Variants in ENTHD1 observed in about 807,000 individuals in gnomAD.
ENTHD1 encodes ENTH domain-containing protein 1.
A neutral mutation model predicts 39.1 loss-of-function variants in ENTHD1; 23 were observed. The ratio of observed to expected loss-of-function variants is 0.59; its 90% CI spans 0.42 to 0.83. ENTHD1 has a LOEUF of 0.83. ENTHD1 is among the 40% of genes least tolerant of loss of function. The pLI is 0.00. For synonymous variants in ENTHD1, 230 were observed against 258.2 expected (o/e 0.89, Z 1.05); for missense variants, 624 against 705.4 (o/e 0.88, Z 1.31).
intron 6 of ENTHD1, among the ~76,000 whole-genome samples, chr22:39,760,804 T>C (rs2065227242): frequency 6.6e-6 from 1 of 152,094 alleles, no homozygotes; most frequent in Non-Finnish European, 1.5e-5. Context: ...ATATGCATGC[T>C]TAACTTATCG....
At chr22:39,805,889 T>A (rs2065636677) in intron 5 of ENTHD1, among the ~76,000 whole-genome samples, 1 of 152,172 alleles carries the variant, frequency 6.6e-6, no homozygotes, top group African/African-American at 2.4e-5. Context: ...TGTCCACAAC[T>A]AAGCATGAAT....
intron 2 of ENTHD1, among the ~76,000 whole-genome samples, chr22:39,871,413 T>A (rs1440463351): frequency 6.6e-6 from 1 of 152,106 alleles, no homozygotes; most frequent in African/African-American, 2.4e-5. Context: ...TTAAGTCCAT[T>A]TTACCAAAGA....
chr22:39,868,549 C>G (rs535389456), intron 2 of ENTHD1, among the ~76,000 whole-genome samples: 2 of 152,112 alleles, frequency 1.3e-5, no homozygotes, highest in African/African-American at 4.8e-5. Flanking sequence ...AAACACCACG[C>G]TGGACATTGA....
chr22:39,888,521 G>A (rs997961589), intron 1 of ENTHD1, among the ~76,000 whole-genome samples: 8 of 151,894 alleles, frequency 5.3e-5, no homozygotes, highest in East Asian at 1.9e-4. Context: ...TCTGCCACCC[G>A]GGTTCAAGCG....
At chr22:39,807,233 G>A (rs530717737) in intron 5 of ENTHD1, among the ~76,000 whole-genome samples, 4 of 152,196 alleles carry the variant, frequency 2.6e-5, no homozygotes, top group South Asian at 2.1e-4. Context: ...GCAAGGATCT[G>A]GCTGTATCAT....
intron 3 of ENTHD1, among the ~76,000 whole-genome samples, chr22:39,838,168 G>A (rs765216793): frequency 4.0e-5 from 6 of 151,802 alleles, no homozygotes; most frequent in African/African-American, 7.3e-5. Context: ...GAGTATATTC[G>A]GTTAAATTAA....
chr22:39,865,543 C>G (rs1329655302), intron 2 of ENTHD1, among the ~76,000 whole-genome samples: 1 of 152,132 alleles, frequency 6.6e-6, no homozygotes, highest in Non-Finnish European at 1.5e-5. Flanking sequence ...AAAGGGAGGA[C>G]AGCATACCAA....
chr22:39,888,777 C>T (rs1411974523), intron 1 of ENTHD1, among the ~76,000 whole-genome samples: 1 of 150,942 alleles, frequency 6.6e-6, no homozygotes, highest in Admixed American at 6.6e-5. Flanking sequence ...CAATATGTTG[C>T]ACAGGCTGTT....
intron 6 of ENTHD1, among the ~76,000 whole-genome samples, chr22:39,749,254 C>G (rs2146531835): frequency 6.6e-6 from 1 of 152,334 alleles, no homozygotes; most frequent in East Asian, 1.9e-4. Context: ...ATTTGGGTCT[C>G]TTGTTAACAT....
chr22:39,831,575 A>C (rs945854015), intron 4 of ENTHD1, among the ~76,000 whole-genome samples: 3 of 152,222 alleles, frequency 2.0e-5, no homozygotes, highest in Non-Finnish European at 4.4e-5. Flanking sequence ...CTGTAATCCC[A>C]ACACTTTGGG....
chr22:39,767,451 C>T (rs2065285639), intron 5 of ENTHD1, among the ~76,000 whole-genome samples: 1 of 151,950 alleles, frequency 6.6e-6, no homozygotes, highest in Non-Finnish European at 1.5e-5. Context: ...TTGTGAGACC[C>T]CATTTCTATG....
At chr22:39,888,491 G>T (rs1432261050) in intron 1 of ENTHD1, among the ~76,000 whole-genome samples, 1 of 151,356 alleles carries the variant, frequency 6.6e-6, no homozygotes, top group East Asian at 1.9e-4. Flanking sequence ...GCAGTGGTGC[G>T]ATCTTGGCTC....
intron 5 of ENTHD1, among the ~76,000 whole-genome samples, chr22:39,804,536 C>A (rs1339748501): frequency 6.6e-6 from 1 of 152,026 alleles, no homozygotes; most frequent in East Asian, 1.9e-4. Flanking sequence ...ACATCCCCAA[C>A]CTTTTGCTCT....
chr22:39,826,919 C>G (rs2065830912), intron 4 of ENTHD1, among the ~76,000 whole-genome samples: 2 of 151,466 alleles, frequency 1.3e-5, no homozygotes. Context: ...GTTGCCCAGA[C>G]TGGAATGCAG....
intron 5 of ENTHD1, among the ~76,000 whole-genome samples, chr22:39,781,978 A>C (rs1225494466): frequency 6.6e-6 from 1 of 152,164 alleles, no homozygotes; most frequent in Non-Finnish European, 1.5e-5. Flanking sequence ...AGAAAATCTC[A>C]ATAAGCCAAT....
At chr22:39,764,202 A>T (rs571828916) in intron 6 of ENTHD1, among the ~76,000 whole-genome samples, 28 of 152,332 alleles carry the variant, frequency 1.8e-4, no homozygotes, top group East Asian at 1.3e-3. Context: ...GGCCAGACAC[A>T]GTGGATCATG....
At chr22:39,763,871 C>T (rs549856491) in intron 6 of ENTHD1, among the ~76,000 whole-genome samples, 99 of 152,204 alleles carry the variant, frequency 6.5e-4, no homozygotes, top group Non-Finnish European at 1.2e-3. Flanking sequence ...AAAAACCAAA[C>T]GTATCAACTT....
chr22:39,806,613 T>C (rs1416718014), intron 5 of ENTHD1, among the ~76,000 whole-genome samples: 1 of 152,144 alleles, frequency 6.6e-6, no homozygotes, highest in Non-Finnish European at 1.5e-5. Flanking sequence ...AGGCAGAAAC[T>C]AGAATGATGA....
At chr22:39,871,172 AAAATAAAT>A (rs58727605) in intron 2 of ENTHD1, among the ~76,000 whole-genome samples, 2,737 of 141,256 alleles carry the variant, frequency 0.019, 65 homozygotes, top group East Asian at 0.1. Flanking sequence ...CCCATCTTCT[AAAATAAAT>A]AAATAAATAA....
Sources: gnomAD v4.1 joint callset for allele counts (sites outside exome capture counted in the v4.1 genomes callset) on GRCh38, gnomAD v4.1.1 for gene constraint, MANE v1.5 for transcripts, NCBI Gene and HGNC (gene_info 2026-07-23, HGNC 2026-07-21) for gene names.